Variants in PDE4D observed in about 807,000 individuals in gnomAD.
PDE4D encodes the protein phosphodiesterase 4D.
Under a neutral mutation model 87.4 loss-of-function variants are expected in PDE4D, and 24 were observed. The ratio of observed to expected loss-of-function variants is 0.27; its 90% CI spans 0.20 to 0.39. PDE4D has a LOEUF of 0.39. Among genes scored for constraint, PDE4D ranks in the 10% least tolerant of loss-of-function variants. PDE4D has a pLI of 1.00. For missense variants in PDE4D, 714 were observed against 1,041.0 expected, an observed-to-expected ratio of 0.69 and a Z score of 4.32; for synonymous variants, 384 against 383.2, an observed-to-expected ratio of 1.00 and a Z score of -0.02.
chr5:59,144,908 C>A (rs1778403262), intron 5 of PDE4D, among the ~76,000 whole-genome samples: 1 of 137,470 alleles, frequency 7.3e-6, no homozygotes. Flanking sequence ...GGGGGGGGAA[C>A]CATCCAGAAG....
intron 1 of PDE4D, among the ~76,000 whole-genome samples, chr5:59,567,742 A>C (rs1821182676): frequency 6.6e-6 from 1 of 152,210 alleles, no homozygotes; most frequent in Non-Finnish European, 1.5e-5. Flanking sequence ...CAATTAAGTA[A>C]GCAAATGATG....
Position 58,974,630 on chromosome 5 carries a change from T to TACTTA in PDE4D, c.*33_*34insTAAGT. On this transcript the variant is annotated 3_prime_UTR_variant, in exon 15 of 15. Coordinates refer to ENST00000340635, the MANE Select transcript of PDE4D (RefSeq NM_001104631.2). Reference sequence around the variant, plus strand: ...GCACTTTGGAAACAATTTTTCTACTTAAAAAAAAAAAAGGCATGAAAGTTT... The same window carrying TACTTA: ...GCACTTTGGAAACAATTTTTCTACTTACTTAAAAAAAAAAAAAGGCATGAAAGTTT... 8.1e-7 allele frequency: 1 copy of TACTTA among 1,233,020 alleles called. No homozygotes were observed. The highest frequency in any genetic ancestry group is 1.1e-6 in the Non-Finnish European group (1 of 910,042). 76.4% of individuals were successfully genotyped at this position (1,233,020 alleles called of 1,614,324 possible).
At chr5:59,916,190 C>T (rs762542472) in intron 3 of PDE4D, among the ~76,000 whole-genome samples, 37 of 152,156 alleles carry the variant, frequency 2.4e-4, no homozygotes, top group Non-Finnish European at 4.6e-4. Context: ...GCAAGCTGTG[C>T]TTCGCAGCCT....
chr5:60,262,440 C>T (rs1004562036), intron 1 of PDE4D: 3 of 152,138 alleles, frequency 2.0e-5, no homozygotes, highest in African/African-American at 7.2e-5. Context: ...TGAGCCTCGG[C>T]TTCTTCCTGT....
intron 6 of PDE4D, among the ~76,000 whole-genome samples, chr5:58,998,973 TAGAC>T (rs1362164910): frequency 7.1e-6 from 1 of 140,630 alleles, no homozygotes; most frequent in Non-Finnish European, 1.7e-5. Context: ...GCAAGTATAA[TAGAC>T]AATCAAGTTT....
chr5:60,150,577 A>G (rs1367887506), intron 2 of PDE4D, among the ~76,000 whole-genome samples: 2 of 152,170 alleles, frequency 1.3e-5, no homozygotes, highest in Non-Finnish European at 2.9e-5. Flanking sequence ...TCAGAAAAAA[A>G]AAATACTTTC....
chr5:59,687,654 C>T (rs1376807283), intron 1 of PDE4D, among the ~76,000 whole-genome samples: 5 of 152,192 alleles, frequency 3.3e-5, no homozygotes, highest in African/African-American at 1.2e-4. Context: ...GAAGAGACTG[C>T]ATCAACTAAT....
At chr5:59,383,041 G>A (rs989840795) in intron 1 of PDE4D, among the ~76,000 whole-genome samples, 1 of 152,076 alleles carries the variant, frequency 6.6e-6, no homozygotes, top group African/African-American at 2.4e-5. Flanking sequence ...AATTAATAAT[G>A]GATAGAAAAG....
chr5:59,019,129 C>A (rs1754606199), intron 6 of PDE4D, among the ~76,000 whole-genome samples: 1 of 152,048 alleles, frequency 6.6e-6, no homozygotes, highest in South Asian at 2.1e-4. Flanking sequence ...GTCCATTATT[C>A]AGGTTTAGAA....
chr5:59,439,188 G>A (rs926009785), intron 1 of PDE4D, among the ~76,000 whole-genome samples: 14 of 151,910 alleles, frequency 9.2e-5, no homozygotes, highest in African/African-American at 3.4e-4. Context: ...GTGAAACCTC[G>A]TCTCTACCAA....
rs763713860 is a variant in PDE4D, at chr5:59,068,384, G to C, written c.809-29413C>G. 5.9e-5 allele frequency among the ~76,000 whole-genome samples: 9 copies of C among 151,992 alleles called. No individual in the cohort carries two copies. The East Asian group carries it at 1.2e-3, about 20-fold the overall frequency. ...AGGTTTTTTATTCATTTGTTCTTTT[G>C]TTCACTCATTTGTTAGTTCAGTTAT... On this transcript the variant is annotated intron_variant, in intron 5 of 14. Transcript: ENST00000340635.
rs138257768 is a variant in PDE4D at position 59,341,424 on chromosome 5, CA to C, written c.456-125457del. ...GAGTCCCTTATAATAGTCCACACCA[CA>C]AAAGCCAAGGGATTTTTGTAATTGT... On this transcript the variant is annotated intron_variant, in intron 1 of 14. Coordinates refer to ENST00000340635, the MANE Select transcript of PDE4D (RefSeq NM_001104631.2). 3.5e-3 allele frequency among the ~76,000 whole-genome samples: 529 copies of C among 152,216 alleles called. 1 individual carries two copies. Among genetic ancestry groups the C allele is most frequent in the Non-Finnish European group, 5.8e-3 (393 of 68,012 alleles).
At chr5:60,282,029 G>GAAA in intron 1 of PDE4D, among the ~76,000 whole-genome samples, 1 of 147,548 alleles carries the variant, frequency 6.8e-6, no homozygotes. Flanking sequence ...AGGAAAAAAG[G>GAAA]AAAAAAAAAT....
At chr5:59,969,653 G>C (rs1320669169) in intron 3 of PDE4D, among the ~76,000 whole-genome samples, 1 of 152,154 alleles carries the variant, frequency 6.6e-6, no homozygotes, top group East Asian at 1.9e-4. Flanking sequence ...CCTGGTAGAA[G>C]GTAATTGAAC....
At chr5:60,253,745 G>A (rs951479239) in intron 1 of PDE4D, among the ~76,000 whole-genome samples, 1 of 151,904 alleles carries the variant, frequency 6.6e-6, no homozygotes, top group African/African-American at 2.4e-5. Flanking sequence ...TCTACAATGA[G>A]TACTAAAGTC....
intron 1 of PDE4D, among the ~76,000 whole-genome samples, chr5:59,539,006 C>G (rs933490830): frequency 6.6e-6 from 1 of 152,174 alleles, no homozygotes; most frequent in African/African-American, 2.4e-5. Flanking sequence ...AACTCCACAT[C>G]ACCCAGTCCT....
intron 1 of PDE4D, among the ~76,000 whole-genome samples, chr5:59,432,187 A>G (rs1796200745): frequency 6.6e-6 from 1 of 152,092 alleles, no homozygotes; most frequent in South Asian, 2.1e-4. Flanking sequence ...ACCACACACA[A>G]TACACAAACC....
chr5:59,452,891 A>G, intron 1 of PDE4D, among the ~76,000 whole-genome samples: 1 of 152,140 alleles, frequency 6.6e-6, no homozygotes, highest in East Asian at 1.9e-4. Flanking sequence ...TTAAATAGCA[A>G]AGTGACTGAA....
At chr5:59,857,917 GA>G (rs1476888332) in intron 1 of PDE4D, among the ~76,000 whole-genome samples, 7 of 121,832 alleles carry the variant, frequency 5.7e-5, no homozygotes, top group African/African-American at 1.5e-4. Flanking sequence ...AGGGGGGAGG[GA>G]AGGGGGGAGG....
Sources: gnomAD v4.1 joint callset for allele counts (sites outside exome capture counted in the v4.1 genomes callset) on GRCh38, gnomAD v4.1.1 for gene constraint, MANE v1.5 for transcripts, NCBI Gene and HGNC (gene_info 2026-07-23, HGNC 2026-07-21) for gene names.